STAG1: variants seen among roughly 807,000 people sequenced by gnomAD.
STAG1 encodes the protein STAG1 cohesin complex component, also known as cohesin subunit SA-1.
STAG1 carries 26 observed loss-of-function variants against 170.9 expected under a neutral mutation model. The ratio of observed to expected loss-of-function variants is 0.15; its 90% confidence interval spans 0.11 to 0.21. The LOEUF is 0.21. Ranked by LOEUF, STAG1 falls within the 10% of genes least tolerant of loss-of-function variation. STAG1 has a pLI of 1.00. For missense variants in STAG1, 964 were observed against 1,509.5 expected (o/e 0.64, Z 5.99); for synonymous variants, 514 against 497.7 (o/e 1.03, Z -0.44).
At chr3:136,629,604 T>C (rs924679122) in intron 2 of STAG1, among the ~76,000 whole-genome samples, 5 of 151,908 alleles carry the variant, frequency 3.3e-5, no homozygotes, top group Admixed American at 6.6e-5. Context: ...GAGGACAGTA[T>C]TGATGGTTTT....
rs1376644942 is a variant in STAG1, at chr3:136,422,558, G to A, written c.1889C>T (p.Ser630Leu). 1.2e-6 allele frequency: 2 copies of A among 1,613,972 alleles called. No individual in the cohort carries two copies. The highest frequency in any genetic ancestry group is 2.2e-5 in the East Asian group (1 of 44,840). Residue 630 changes from serine to leucine, a missense_variant, in exon 19 of 34, where the codon TCA becomes TTA. Transcript: ENST00000383202. ...TTTACTGCAGGCTTCTAGAACATCT[G>A]ATTCTACGTGTTTCTCCACAACAAA... ...IKFVVEKHVE[S>L]DVLEACSKTY...
intron 9 of STAG1, among the ~76,000 whole-genome samples, chr3:136,498,522 G>C (rs2107859845): frequency 6.6e-6 from 1 of 151,876 alleles, no homozygotes; most frequent in East Asian, 1.9e-4. Flanking sequence ...GTAGAAAGGA[G>C]TTACAAAGTG....
At chr3:136,454,529 C>G (rs2089049619) in intron 13 of STAG1, among the ~76,000 whole-genome samples, 1 of 151,428 alleles carries the variant, frequency 6.6e-6, no homozygotes, top group Admixed American at 6.6e-5. Context: ...CAGGCGTGTG[C>G]CACCATGCCA....
At chr3:136,476,103 G>A (rs917956360) in intron 10 of STAG1, among the ~76,000 whole-genome samples, 1 of 152,174 alleles carries the variant, frequency 6.6e-6, no homozygotes, top group Non-Finnish European at 1.5e-5. Flanking sequence ...CTGAAAATAT[G>A]GCTCATGCCC....
intron 3 of STAG1, among the ~76,000 whole-genome samples, chr3:136,621,174 C>A (rs1939833488): frequency 1.3e-5 from 2 of 151,976 alleles, no homozygotes; most frequent in Non-Finnish European, 2.9e-5. Flanking sequence ...CAGCTGTACA[C>A]ACATAAAACT....
At chr3:136,687,115 A>G (rs1011378226) in intron 1 of STAG1, among the ~76,000 whole-genome samples, 4 of 152,204 alleles carry the variant, frequency 2.6e-5, no homozygotes, top group Non-Finnish European at 5.9e-5. Flanking sequence ...TTAAATCCAG[A>G]AATATCTCAA....
chr3:136,553,001 A>G (rs1486466372), intron 5 of STAG1, among the ~76,000 whole-genome samples: 1 of 152,206 alleles, frequency 6.6e-6, no homozygotes, highest in African/African-American at 2.4e-5. Flanking sequence ...AAAACAAGCA[A>G]AAACAAGACC....
chr3:136,521,560 T>A, intron 6 of STAG1, 143 bp from the exon 7 acceptor site: 1 of 629,092 alleles, frequency 1.6e-6, no homozygotes, highest in East Asian at 2.8e-5. Flanking sequence ...CACATTTGAT[T>A]GCTTTATTTC....
At chr3:136,569,411 C>CAAA (rs1199366699) in intron 4 of STAG1, among the ~76,000 whole-genome samples, 2 of 86,074 alleles carry the variant, frequency 2.3e-5, no homozygotes, top group South Asian at 3.7e-4. Context: ...GTAGCCAATC[C>CAAA]AAAAAAAAAA....
In STAG1 at chr3:136,489,831, C is replaced by T. The variant is rs149448693; in HGVS notation, c.902+10392G>A. On this transcript the variant is annotated intron_variant, in intron 9 of 33. Coordinates refer to ENST00000383202, the MANE Select transcript of STAG1 (RefSeq NM_005862.3). ...ATGATTAAAATAAATACTACCTTAG[C>T]GAGTGCTGAAAGTTAGTAAAGAGTG... Among the ~76,000 whole-genome samples the T allele has an allele frequency of 1.3e-3, 191 of 152,106 alleles. 1 individual carries two copies. The highest frequency in any genetic ancestry group is 4.2e-3 in the African/African-American group (173 of 41,474).
At chr3:136,600,725 G>A (rs1203319667) in intron 4 of STAG1, among the ~76,000 whole-genome samples, 2 of 151,932 alleles carry the variant, frequency 1.3e-5, no homozygotes, top group African/African-American at 4.8e-5. Flanking sequence ...AGTAGAGATG[G>A]GATTTTACCA....
intron 1 of STAG1, among the ~76,000 whole-genome samples, chr3:136,635,686 G>T (rs1056767060): frequency 7.2e-5 from 11 of 152,112 alleles, no homozygotes; most frequent in African/African-American, 2.7e-4. Flanking sequence ...TTTATTTCCA[G>T]ATGACAAAAC....
chr3:136,433,458 G>GT, intron 16 of STAG1, 98 bp downstream of exon 16: 2 of 834,240 alleles, frequency 2.4e-6, no homozygotes, highest in Admixed American at 5.5e-5. Context: ...AAAACACCAT[G>GT]TTTTTAGGGA....
At chr3:136,577,719 C>G (rs1294942748) in intron 4 of STAG1, among the ~76,000 whole-genome samples, 2 of 152,184 alleles carry the variant, frequency 1.3e-5, no homozygotes, top group Non-Finnish European at 2.9e-5. Flanking sequence ...CAAATACACA[C>G]TATAACCCAG....
At chr3:136,441,000 C>T (rs575435537) in intron 15 of STAG1, among the ~76,000 whole-genome samples, 187 of 151,236 alleles carry the variant, frequency 1.2e-3, no homozygotes, top group Non-Finnish European at 1.5e-3. Flanking sequence ...AGCAGAGGGC[C>T]CTGTCAACTT....
intron 29 of STAG1, among the ~76,000 whole-genome samples, chr3:136,347,395 C>CAAAAAAAA (rs34533734): frequency 2.5e-5 from 2 of 78,724 alleles, no homozygotes; most frequent in Non-Finnish European, 4.5e-5. Context: ...GATCCTGTCT[C>CAAAAAAAA]AAAAAAAAAA....
intron 1 of STAG1, among the ~76,000 whole-genome samples, chr3:136,681,375 G>C (rs907534867): frequency 6.6e-6 from 1 of 152,132 alleles, no homozygotes; most frequent in South Asian, 2.1e-4. Flanking sequence ...TTAATTGAAC[G>C]ATTTAAATGA....
At chr3:136,598,193 T>C (rs1210699054) in intron 4 of STAG1, among the ~76,000 whole-genome samples, 2 of 152,162 alleles carry the variant, frequency 1.3e-5, no homozygotes, top group African/African-American at 4.8e-5. Flanking sequence ...TTGACCTTCT[T>C]TAACCTTTCT....
chr3:136,342,791 T>A (rs1039513237), intron 30 of STAG1, among the ~76,000 whole-genome samples: 2 of 152,182 alleles, frequency 1.3e-5, no homozygotes, highest in African/African-American at 4.8e-5. Context: ...AGGCAGACCA[T>A]GGCCACAGGG....
Sources: gnomAD v4.1 joint callset for allele counts (sites outside exome capture counted in the v4.1 genomes callset) on GRCh38, gnomAD v4.1.1 for gene constraint, MANE v1.5 for transcripts, NCBI Gene and HGNC (gene_info 2026-07-23, HGNC 2026-07-21) for gene names.